The following NRXN2 variants were observed in gnomAD, a reference collection of about 807,000 sequenced individuals.
NRXN2 encodes the protein neurexin 2.
Under a neutral mutation model 128.8 loss-of-function variants are expected in NRXN2, and 29 were observed. That is an observed-to-expected ratio of 0.23 (90% confidence interval 0.17 to 0.31). NRXN2 has a LOEUF of 0.31. NRXN2 is among the 10% of genes least tolerant of loss of function. NRXN2 has a pLI of 1.00. For synonymous variants in NRXN2, 1,098 were observed against 1,075.2 expected (o/e 1.02, Z -0.41); for missense variants, 1,881 against 2,452.6 (o/e 0.77, Z 4.92).
At position 64,713,260 on chromosome 11, in the gene NRXN2, G is replaced by T; in HGVS notation, c.440C>A (p.Ala147Asp). Residue 147 changes from alanine (A) to aspartate (D), a missense_variant, in exon 2 of 23, where the codon GCC becomes GAC. Transcript: ENST00000265459. The part of the protein sequence containing the change: ...VRSKRREMQV[A>D]SDLFVGGIPP... ...GATGCCGCCCACGAACAGGTCGCTG[G>T]CCACCTGCATCTCGCGCCGCTTGGA... 3.5e-6 allele frequency: 5 copies of T among 1,434,900 alleles called. No homozygotes were observed. The highest frequency in any genetic ancestry group is 4.6e-6 in the Non-Finnish European group (5 of 1,094,996). The allele number at this position is 1,434,900 out of a possible 1,614,324, so 88.9% of individuals were successfully genotyped here.
In NRXN2 at chr11:64,648,481, T is replaced by C; in HGVS notation, c.3284-143A>G. The C allele has an allele frequency of 3.6e-6, 5 of 1,386,636 alleles. No individual in the cohort carries two copies. Among genetic ancestry groups the C allele is most frequent in the Non-Finnish European group, 4.0e-6 (4 of 996,888 alleles). The allele number at this position is 1,386,636 out of a possible 1,614,324, so 85.9% of individuals were successfully genotyped here. On this transcript the variant is annotated intron_variant, in intron 16 of 22. Coordinates refer to ENST00000265459, the MANE Select transcript of NRXN2 (RefSeq NM_015080.4). This position sits in a 1 kb window ranked among gnomAD's most constrained non-coding sequence, Gnocchi z 4.1. ...AAGGGCCAAGTACTGATGACAGGGA[T>C]TGGGGCAGGAGGGTCAGGTCTGCTA...
rs753732547 is a variant in NRXN2 at position 64,667,306 on chromosome 11, C to A, written c.1742G>T (p.Arg581Leu). Reference protein sequence around the residue: ...SGGIKLRASSRKVNDGEWCHV... With the variant: ...SGGIKLRASSLKVNDGEWCHV... ...ACACCACTCGCCATCATTGACCTTGCGGCTGGATGCCCGCAGCTTGATGCC... is the reference window on the plus strand; with the variant it reads ...ACACCACTCGCCATCATTGACCTTGAGGCTGGATGCCCGCAGCTTGATGCC... The change falls in exon 9 of 23, where the codon CGC becomes CTC. Residue 581 changes from arginine (R) to leucine (L), a missense_variant. Physicochemically the swap from Arg to Leu is moderately radical, Grantham distance 102 (BLOSUM62 -2). Transcript: ENST00000265459. This position sits in a 1 kb window ranked among gnomAD's most constrained non-coding sequence, Gnocchi z 5.6. 1 of 1,614,240 alleles carries A rather than the reference C, an allele frequency of 6.2e-7. No homozygotes were observed. The highest frequency in any genetic ancestry group is 2.2e-5 in the East Asian group (1 of 44,882).
At chr11:64,700,849 C>T (rs572699614) in intron 2 of NRXN2, among the ~76,000 whole-genome samples, 4 of 152,180 alleles carry the variant, frequency 2.6e-5, no homozygotes, top group Non-Finnish European at 5.9e-5. Flanking sequence ...TCATGGGCTT[C>T]TCACATTCAA....
At chr11:64,657,607 AAG>A (rs1191284110) in intron 11 of NRXN2, among the ~76,000 whole-genome samples, 3 of 152,220 alleles carry the variant, frequency 2.0e-5, no homozygotes, top group Admixed American at 6.5e-5. Context: ...GATTAAAAAA[AAG>A]AGAGAGAGAC....
intron 2 of NRXN2, 109 bp from the exon 3 acceptor site, chr11:64,697,901 C>G: frequency 7.9e-7 from 1 of 1,271,560 alleles, no homozygotes. Context: ...GGAGTCCAAG[C>G]CCACCCAGGC....
intron 17 of NRXN2, among the ~76,000 whole-genome samples, chr11:64,637,028 C>A (rs1167173540): frequency 6.6e-6 from 1 of 152,008 alleles, no homozygotes; most frequent in Admixed American, 6.5e-5. Context: ...GCCTGGTTCC[C>A]AAAGAGGTAG....
At chr11:64,658,617 G>T (rs766361467) in intron 11 of NRXN2, among the ~76,000 whole-genome samples, 7 of 152,232 alleles carry the variant, frequency 4.6e-5, no homozygotes, top group Non-Finnish European at 8.8e-5. Context: ...AAGGGGAAAA[G>T]GAAAGAACAT....
Position 64,676,816 on chromosome 11 carries a change from G to A in NRXN2, c.1197+177C>T, listed in dbSNP as rs983904870. On this transcript the variant is annotated intron_variant, in intron 7 of 22. Transcript: ENST00000265459. ...GTTTGGACCAAAAAAGAAAGAAAAG[G>A]GAAAGAGGGAAACTAAAAGAGAAGC... 18 of 634,312 alleles carry A rather than the reference G, an allele frequency of 2.8e-5. No homozygotes were observed. In the African/African-American group the frequency reaches 2.9e-4, roughly 10 times the overall value. The allele number at this position is 634,312 out of a possible 1,614,324, so 39.3% of individuals were successfully genotyped here. A position where few individuals can be genotyped will look rare whatever the true frequency, so the allele number is the denominator to read the frequency against.
rs555257705 is a variant in NRXN2, at chr11:64,626,350, T to A, written c.3847+113A>T. On this transcript the variant is annotated intron_variant, in intron 20 of 22. Transcript: ENST00000265459. ...AGCATTCTGGCTGGCCAATTGTCCC[T>A]TCACTTGGGGGTGGGCATTGGTGAA... The A allele has an allele frequency of 2.4e-3, 2,002 of 823,328 alleles. 7 individuals are homozygous for A. The highest frequency in any genetic ancestry group is 3.3e-3 in the Non-Finnish European group (1,668 of 504,734). 51.0% of individuals were successfully genotyped at this position (823,328 alleles called of 1,614,324 possible).
intron 4 of NRXN2, 99 bp from the exon 5 acceptor site, chr11:64,690,575 G>T: frequency 9.4e-7 from 1 of 1,064,958 alleles, no homozygotes; most frequent in Non-Finnish European, 1.4e-6. Context: ...TGGAGGTGCT[G>T]CTTGCACGGA....
At position 64,608,022 on chromosome 11, in the gene NRXN2, G is replaced by T; in HGVS notation, c.4313C>A (p.Thr1438Asn). ...GGGCGGGGGCACGAAGGGGGATCGG[G>T]TGGCCACGGGAGGGGGGTCTAAGGA... The part of the protein sequence containing the change: ...EDSLDPPPVA[T>N]RSPFVPPPPT... Residue 1438 changes from threonine to asparagine, a missense_variant, in exon 23 of 23, where the codon ACC (threonine) becomes AAC (asparagine). By Grantham distance (65) the Thr-to-Asn change is moderately conservative. Transcript: ENST00000265459. 2 of 1,558,574 alleles carry T rather than the reference G, an allele frequency of 1.3e-6. No homozygotes were observed. Among genetic ancestry groups the T allele is most frequent in the Non-Finnish European group, 8.7e-7 (1 of 1,155,056 alleles).
chr11:64,674,179 T>C (rs2050998605), intron 7 of NRXN2, among the ~76,000 whole-genome samples: 1 of 151,766 alleles, frequency 6.6e-6, no homozygotes, highest in South Asian at 2.1e-4. Flanking sequence ...GTTGGCTTCT[T>C]CCTTTTTTTG....
intron 9 of NRXN2, among the ~76,000 whole-genome samples, chr11:64,663,580 C>T (rs999984797): frequency 6.6e-6 from 1 of 152,128 alleles, no homozygotes; most frequent in African/African-American, 2.4e-5. Context: ...GCCAGATTCC[C>T]CCATGCCTGC....
intron 6 of NRXN2, among the ~76,000 whole-genome samples, chr11:64,678,097 TTTTG>T (rs1386239132): frequency 6.6e-6 from 1 of 151,932 alleles, no homozygotes; most frequent in Non-Finnish European, 1.5e-5. Context: ...GCTCCTCTGT[TTTTG>T]TTTTTGTTTT....
At chr11:64,658,087 T>A (rs2048511061) in intron 11 of NRXN2, among the ~76,000 whole-genome samples, 1 of 152,188 alleles carries the variant, frequency 6.6e-6, no homozygotes, top group Non-Finnish European at 1.5e-5. Flanking sequence ...AAGGACATTG[T>A]TTCCTGTCTA....
At chr11:64,688,861 G>C (rs1258886299) in intron 5 of NRXN2, 2 of 957,246 alleles carry the variant, frequency 2.1e-6, no homozygotes, top group Non-Finnish European at 2.5e-6. Flanking sequence ...GGTCTCCAGC[G>C]CCCCCCTCCG....
Position 64,635,406 on chromosome 11 carries a change from G to A in NRXN2, c.3450C>T (p.Tyr1150=). 2 of 1,613,868 alleles carry A rather than the reference G, an allele frequency of 1.2e-6. No individual in the cohort carries two copies. The highest frequency in any genetic ancestry group is 2.2e-5 in the South Asian group (2 of 91,088). ...IFGKGGALIT[Y]TWPPNDRPST... is the part of the protein sequence containing the mutation. ...TGGGCCTGTCATTGGGGGGCCACGT[G>A]TAGGTGATGAGCGCTCCCCCCTTCC... is the stretch of plus-strand genomic sequence containing the variant. Residue 1150 remains tyrosine (Y), a synonymous_variant, in exon 18 of 23, where the codon TAC becomes TAT. Transcript: ENST00000265459. This position sits in a 1 kb window ranked among gnomAD's most constrained non-coding sequence, Gnocchi z 4.8.
chr11:64,642,921 G>A (rs1212398627), intron 17 of NRXN2: 4 of 1,027,148 alleles, frequency 3.9e-6, no homozygotes, highest in Non-Finnish European at 4.7e-6. Flanking sequence ...GGGATGAAGC[G>A]GAGGTAAACC....
Position 64,667,488 on chromosome 11 carries a change from G to A in NRXN2, c.1560C>T (p.Asp520=). 1.9e-6 allele frequency: 3 copies of A among 1,614,016 alleles called. No individual in the cohort carries two copies. Among genetic ancestry groups the A allele is most frequent in the South Asian group, 2.2e-5 (2 of 91,076 alleles). ...GCCCATTGGGCTCGGTGGTGCGGAA[G>A]TCTAGGGAGATGGAGCCAGTGCGCT... ...SAKRTGSISL[D]FRTTEPNGLL... is the part of the protein sequence containing the mutation. Residue 520 remains aspartate, a synonymous_variant, in exon 9 of 23, where the codon GAC becomes GAT. Transcript: ENST00000265459. This position sits in a 1 kb window ranked among gnomAD's most constrained non-coding sequence, Gnocchi z 5.6.
Sources: allele counts gnomAD v4.1 joint callset (sites outside exome capture counted in the v4.1 genomes callset), GRCh38; gene constraint gnomAD v4.1.1; non-coding constraint Gnocchi (gnomAD v3.1); transcripts MANE v1.5; gene names NCBI Gene and HGNC (gene_info 2026-07-23, HGNC 2026-07-21).